Variants in ERAP1 observed in about 807,000 individuals in gnomAD.
The protein encoded by ERAP1 is adipocyte-derived leucine aminopeptidase.
In ERAP1, 86 loss-of-function variants were observed where a neutral mutation model predicts 103.7. That is an observed-to-expected ratio of 0.83 (90% CI 0.70 to 0.99). The LOEUF is 0.99. Ranked by LOEUF, ERAP1 falls within the 50% of genes least tolerant of loss-of-function variation. ERAP1 has a pLI of 0.00. For synonymous variants in ERAP1, 398 were observed against 402.4 expected (o/e 0.99, Z 0.13); for missense variants, 1,009 against 1,128.4 (o/e 0.89, Z 1.52).
chr5:96,900,018 T>G, the ERAP1 span: 1 of 1,335,250 alleles, frequency 7.5e-7, no homozygotes, highest in East Asian at 2.3e-5. Flanking sequence ...GATGAATTAT[T>G]TCATATAGCT....
chr5:96,784,462 G>A (rs909895571), intron 13 of ERAP1, among the ~76,000 whole-genome samples: 8 of 150,260 alleles, frequency 5.3e-5, no homozygotes, highest in African/African-American at 1.5e-4. Context: ...CAGCCTGGGC[G>A]ACAGAGTGAG....
chr5:96,918,615 T>A, the ERAP1 span: 1 of 152,050 alleles, frequency 6.6e-6, no homozygotes, highest in Non-Finnish European at 1.5e-5. Context: ...GGAATATAAT[T>A]CATACCATTT....
the ERAP1 span, among the ~76,000 whole-genome samples, chr5:96,831,545 A>G: frequency 6.6e-6 from 1 of 152,218 alleles, no homozygotes; most frequent in East Asian, 1.9e-4. Context: ...TTAATTAATT[A>G]TAAGGCCAAC....
At chr5:96,910,038 G>A in the ERAP1 span, 1 of 277,998 alleles carries the variant, frequency 3.6e-6, no homozygotes, top group East Asian at 6.6e-5. Context: ...GGCCAAGGAG[G>A]GTGAATCACT....
chr5:96,874,524 T>C, the ERAP1 span, among the ~76,000 whole-genome samples: 1 of 152,232 alleles, frequency 6.6e-6, no homozygotes, highest in Admixed American at 6.5e-5. Context: ...TCCTCTTCTT[T>C]GTCGTCTTTG....
the ERAP1 span, chr5:96,873,337 G>A: frequency 2.2e-6 from 1 of 456,294 alleles, no homozygotes; most frequent in Non-Finnish European, 4.4e-6. Context: ...GCTAGAAAGA[G>A]GTGGAATCCT....
chr5:96,816,765 G>T, the ERAP1 span, among the ~76,000 whole-genome samples: 1 of 152,138 alleles, frequency 6.6e-6, no homozygotes, highest in Non-Finnish European at 1.5e-5. Context: ...AAAAGACACA[G>T]AACACAGACA....
chr5:96,826,614 A>G, the ERAP1 span, among the ~76,000 whole-genome samples: 6 of 152,174 alleles, frequency 3.9e-5, no homozygotes, highest in Admixed American at 3.9e-4. Flanking sequence ...TTCAGCCAGT[A>G]TGGTGTTTTT....
chr5:96,867,493 T>C, the ERAP1 span, among the ~76,000 whole-genome samples: 1 of 152,180 alleles, frequency 6.6e-6, no homozygotes, highest in Non-Finnish European at 1.5e-5. Context: ...GTGGAATTCT[T>C]GAAGGGTGGC....
chr5:96,856,661 A>G, the ERAP1 span, among the ~76,000 whole-genome samples: 1 of 152,132 alleles, frequency 6.6e-6, no homozygotes, highest in Middle Eastern at 3.4e-3. Flanking sequence ...TCCTCATCCC[A>G]TTAACTGGCC....
intron 4 of ERAP1, 67 bp from the exon 5 acceptor site, chr5:96,795,229 A>T: frequency 6.3e-7 from 1 of 1,593,476 alleles, no homozygotes; most frequent in South Asian, 1.1e-5. Context: ...ATTGTGTAGA[A>T]GACTGACATT....
chr5:96,773,906 G>A (rs1057569), downstream of ERAP1: 34,203 of 152,094 alleles, frequency 0.22, 4,336 homozygotes, highest in Non-Finnish European at 0.3. Flanking sequence ...GTGGCAGCGG[G>A]GCAAGCAAAA....
chr5:96,913,965 C>A, the ERAP1 span, among the ~76,000 whole-genome samples: 1 of 152,148 alleles, frequency 6.6e-6, no homozygotes, highest in African/African-American at 2.4e-5. Context: ...GTTTGGGGAG[C>A]CCTCCCTCCA....
At chr5:96,877,888 C>T in the ERAP1 span, among the ~76,000 whole-genome samples, 1 of 152,166 alleles carries the variant, frequency 6.6e-6, no homozygotes, top group East Asian at 1.9e-4. Context: ...GTTCCTTTAA[C>T]AATACCTGTC....
At chr5:96,929,510 G>T in the ERAP1 span, among the ~76,000 whole-genome samples, 7 of 149,620 alleles carry the variant, frequency 4.7e-5, no homozygotes, top group Admixed American at 6.7e-5. Flanking sequence ...CTTGAGACGG[G>T]GCTTCACTCT....
the ERAP1 span, among the ~76,000 whole-genome samples, chr5:96,926,718 T>C: frequency 6.6e-6 from 1 of 152,256 alleles, no homozygotes; most frequent in Non-Finnish European, 1.5e-5. Flanking sequence ...TGTTTCACAT[T>C]CTATTTATCC....
chr5:96,802,007 G>A (rs564972306), intron 2 of ERAP1, among the ~76,000 whole-genome samples: 16 of 151,830 alleles, frequency 1.1e-4, no homozygotes, highest in East Asian at 5.8e-4. Flanking sequence ...TCAAAGTTAC[G>A]TAAATTAAAA....
In ERAP1 at chr5:96,774,590, G is replaced by A; in HGVS notation, c.*1806C>T. ...GCTTTTCCAAAAGCAAACAAAGATAGGTTCCTCAGGTGACCAAAACTGAAA... is the reference window on the plus strand; with the variant it reads ...GCTTTTCCAAAAGCAAACAAAGATAAGTTCCTCAGGTGACCAAAACTGAAA... On this transcript the variant is annotated 3_prime_UTR_variant, in exon 19 of 19. Transcript: ENST00000443439. 5 of 985,468 alleles carry A rather than the reference G, an allele frequency of 5.1e-6. No homozygotes were observed. The South Asian group carries it at 1.4e-4, about 28-fold the overall frequency. 61.0% of individuals were successfully genotyped at this position (985,468 alleles called of 1,614,324 possible).
the ERAP1 span, among the ~76,000 whole-genome samples, chr5:96,878,404 GTAA>G: frequency 6.6e-6 from 1 of 151,620 alleles, no homozygotes; most frequent in Non-Finnish European, 1.5e-5. Context: ...GCCATTCGTA[GTAA>G]TAATAATATC....
Sources: allele counts gnomAD v4.1 joint callset (sites outside exome capture counted in the v4.1 genomes callset), GRCh38; gene constraint gnomAD v4.1.1; transcripts MANE v1.5; gene names NCBI Gene and HGNC (gene_info 2026-07-23, HGNC 2026-07-21).